Variants in TAOK3 observed in about 807,000 individuals in gnomAD.
The protein encoded by TAOK3 is TAO kinase 3, also known as serine/threonine-protein kinase TAO3.
In TAOK3, 40 loss-of-function variants were observed where a neutral mutation model predicts 120.4. That is an observed-to-expected ratio of 0.33 (90% CI 0.26 to 0.43). TAOK3 has a LOEUF of 0.43. Among genes scored for constraint, TAOK3 ranks in the 20% least tolerant of loss-of-function variants. TAOK3 has a pLI of 1.00. For synonymous variants in TAOK3, 355 were observed against 387.5 expected (o/e 0.92, Z 0.99); for missense variants, 821 against 1,112.1 (o/e 0.74, Z 3.72).
intron 1 of TAOK3, among the ~76,000 whole-genome samples, chr12:118,268,063 G>A (rs578025581): frequency 1.3e-5 from 2 of 152,112 alleles, no homozygotes; most frequent in Non-Finnish European, 2.9e-5. Context: ...CTAACTCTAT[G>A]ACTATTTTGC....
chr12:118,234,890 T>C (rs1267369788), intron 8 of TAOK3, among the ~76,000 whole-genome samples: 3 of 152,216 alleles, frequency 2.0e-5, no homozygotes, highest in Non-Finnish European at 4.4e-5. Context: ...ATCTGTTTAA[T>C]ATGCTTTGAA....
At chr12:118,235,060 G>T (rs978268382) in intron 8 of TAOK3, among the ~76,000 whole-genome samples, 1 of 152,160 alleles carries the variant, frequency 6.6e-6, no homozygotes, top group Non-Finnish European at 1.5e-5. Context: ...ACGTGTCTAG[G>T]AAAGGAAGGA....
intron 17 of TAOK3, 135 bp downstream of exon 17, chr12:118,172,322 A>C: frequency 1.1e-6 from 1 of 880,426 alleles, no homozygotes; most frequent in South Asian, 1.7e-5. Context: ...TTGTATACCT[A>C]CTCTGTGTTA....
chr12:118,319,064 G>C (rs527405576), intron 1 of TAOK3, among the ~76,000 whole-genome samples: 29 of 152,298 alleles, frequency 1.9e-4, no homozygotes, highest in African/African-American at 7.0e-4. Flanking sequence ...CTTTCCAGGG[G>C]CTGGAGAGGT....
intron 9 of TAOK3, among the ~76,000 whole-genome samples, chr12:118,233,263 GA>G (rs2054109620): frequency 1.1e-5 from 1 of 94,342 alleles, no homozygotes. Context: ...GGGGTGGGGG[GA>G]GGGGGGAGGG....
chr12:118,211,472 C>T (rs577735898), intron 11 of TAOK3, among the ~76,000 whole-genome samples: 10 of 152,146 alleles, frequency 6.6e-5, no homozygotes, highest in East Asian at 1.9e-4. Context: ...ACTACATGTT[C>T]GTTGCTTATA....
intron 1 of TAOK3, among the ~76,000 whole-genome samples, chr12:118,307,151 T>A (rs1485096465): frequency 6.6e-6 from 1 of 152,180 alleles, no homozygotes; most frequent in South Asian, 2.1e-4. Context: ...TCTTGACCAA[T>A]TGTGCAAGAA....
chr12:118,329,967 A>G (rs11068909), intron 1 of TAOK3, among the ~76,000 whole-genome samples: 4,966 of 152,264 alleles, frequency 0.033, 284 homozygotes, highest in East Asian at 0.25. Context: ...TATACCATCA[A>G]TCTTTCCATT....
At chr12:118,234,442 C>T (rs1308645826) in intron 8 of TAOK3, among the ~76,000 whole-genome samples, 3 of 151,846 alleles carry the variant, frequency 2.0e-5, no homozygotes, top group Non-Finnish European at 4.4e-5. Flanking sequence ...GACGCGGTTT[C>T]ACCATGTTAG....
chr12:118,342,369 A>C (rs1454234290), intron 1 of TAOK3, among the ~76,000 whole-genome samples: 1 of 152,236 alleles, frequency 6.6e-6, no homozygotes, highest in Non-Finnish European at 1.5e-5. Flanking sequence ...TGATCCTTTC[A>C]TAAAGGTTGG....
At chr12:118,288,347 T>C (rs189056478) in intron 1 of TAOK3, among the ~76,000 whole-genome samples, 1 of 152,166 alleles carries the variant, frequency 6.6e-6, no homozygotes, top group African/African-American at 2.4e-5. Flanking sequence ...AGATAGGGCC[T>C]TTAGGACATA....
rs763723566 is a variant in TAOK3, at chr12:118,173,436, G to A, written c.1696-776C>T. Among the ~76,000 whole-genome samples, 7 of 152,310 alleles carry A rather than the reference G, an allele frequency of 4.6e-5. No homozygotes were observed. The Middle Eastern group carries it at 0.01, about 222-fold the overall frequency. ...AAATGATTACTCTGGCTGCCATGGG[G>A]AGAACAGAATGAAGGAGGCAAGAAC... is the stretch of plus-strand genomic sequence containing the variant. On this transcript the variant is annotated intron_variant, in intron 16 of 20. Transcript: ENST00000392533.
chr12:118,217,811 GTATACATATATATA>G (rs1293818830), intron 9 of TAOK3, among the ~76,000 whole-genome samples: 2,537 of 75,290 alleles, frequency 0.034, 138 homozygotes, highest in Non-Finnish European at 0.044. Flanking sequence ...GTGTGTGTGT[GTATACATATATATA>G]TATATATATA....
intron 9 of TAOK3, among the ~76,000 whole-genome samples, chr12:118,229,940 T>A (rs1022060124): frequency 5.3e-5 from 8 of 151,960 alleles, no homozygotes; most frequent in East Asian, 1.9e-4. Context: ...TAAAAAAAAA[T>A]AATAATAACA....
At chr12:118,243,906 T>C (rs2040363832) in intron 4 of TAOK3, among the ~76,000 whole-genome samples, 1 of 152,124 alleles carries the variant, frequency 6.6e-6, no homozygotes, top group Non-Finnish European at 1.5e-5. Context: ...CTCGAACTCC[T>C]GACCTCAGGT....
chr12:118,162,613 G>A (rs1322893149), intron 17 of TAOK3, among the ~76,000 whole-genome samples: 2 of 152,104 alleles, frequency 1.3e-5, no homozygotes, highest in Non-Finnish European at 2.9e-5. Flanking sequence ...GCATGAATCA[G>A]AGGTAGGCCA....
chr12:118,184,375 A>T (rs537169745), intron 14 of TAOK3, among the ~76,000 whole-genome samples: 2 of 152,360 alleles, frequency 1.3e-5, no homozygotes, highest in African/African-American at 4.8e-5. Context: ...TTACAGTTAT[A>T]TGTGCCTGTG....
intron 11 of TAOK3, among the ~76,000 whole-genome samples, chr12:118,203,596 C>T (rs2038139698): frequency 1.3e-5 from 2 of 151,098 alleles, no homozygotes; most frequent in Admixed American, 6.6e-5. Flanking sequence ...CCCAGCTACT[C>T]GGGATGCTGA....
intron 1 of TAOK3, among the ~76,000 whole-genome samples, chr12:118,339,275 C>CT (rs72009582): frequency 0.42 from 35,840 of 86,274 alleles, 11,895 homozygotes; most frequent in Non-Finnish European, 0.51. Context: ...CTTCATCATA[C>CT]TTTTTTTTTT....
Sources: gnomAD v4.1 joint callset for allele counts (sites outside exome capture counted in the v4.1 genomes callset) on GRCh38, gnomAD v4.1.1 for gene constraint, MANE v1.5 for transcripts, NCBI Gene and HGNC (gene_info 2026-07-23, HGNC 2026-07-21) for gene names.